Variants in FSTL4 observed in about 807,000 individuals in gnomAD.
FSTL4 encodes the protein follistatin like 4.
A neutral mutation model predicts 78.2 loss-of-function variants in FSTL4; 28 were observed. That is an observed-to-expected ratio of 0.36 (90% CI 0.27 to 0.49). FSTL4 has a LOEUF of 0.49. Among genes scored for constraint, FSTL4 ranks in the 20% least tolerant of loss-of-function variants. FSTL4 has a pLI of 0.98. For synonymous variants in FSTL4, 422 were observed against 440.5 expected (o/e 0.96, Z 0.53); for missense variants, 922 against 1,084.9 (o/e 0.85, Z 2.11).
At chr5:133,506,999 G>T (rs929750577) in intron 3 of FSTL4, among the ~76,000 whole-genome samples, 1 of 152,170 alleles carries the variant, frequency 6.6e-6, no homozygotes, top group Non-Finnish European at 1.5e-5. Flanking sequence ...CCTGAGGTCA[G>T]GAGTTCCAGA....
At chr5:133,343,829 C>T (rs1754640056) in intron 4 of FSTL4, among the ~76,000 whole-genome samples, 1 of 150,904 alleles carries the variant, frequency 6.6e-6, no homozygotes, top group African/African-American at 2.4e-5. Context: ...AGGCCAGAAT[C>T]TCAGTGGGTG....
chr5:133,425,899 G>A (rs917288615), intron 3 of FSTL4, among the ~76,000 whole-genome samples: 2 of 152,206 alleles, frequency 1.3e-5, no homozygotes. Flanking sequence ...TCCAAAGGGA[G>A]AACAGGGACA....
chr5:133,621,447 T>A, the FSTL4 span, among the ~76,000 whole-genome samples: 1 of 152,084 alleles, frequency 6.6e-6, no homozygotes, highest in Non-Finnish European at 1.5e-5. Context: ...AAAGAGCATT[T>A]GCAGTGACCT....
At chr5:133,332,677 A>G (rs942025338) in intron 4 of FSTL4, among the ~76,000 whole-genome samples, 49 of 152,238 alleles carry the variant, frequency 3.2e-4, no homozygotes, top group African/African-American at 1.2e-3. Flanking sequence ...TAAAATATTC[A>G]TAAAGAACTT....
the FSTL4 span, among the ~76,000 whole-genome samples, chr5:133,684,969 T>G: frequency 2.0e-5 from 3 of 152,314 alleles, no homozygotes; most frequent in Admixed American, 2.0e-4. Context: ...GCAGACATGC[T>G]TCACTTTAGT....
rs61271454 is a variant in FSTL4 at position 133,275,239 on chromosome 5, C to T, written c.728-25663G>A. 3.5e-3 allele frequency among the ~76,000 whole-genome samples: 519 copies of T among 150,162 alleles called. 5 individuals are homozygous for T. The highest frequency in any genetic ancestry group is 0.012 in the African/African-American group (493 of 40,730). Reference sequence around the variant, plus strand: ...AGATTGCACCACTGTACTCCAGCCTCGGTGACGGAGGGAAACTCTGTTATG... The same window carrying T: ...AGATTGCACCACTGTACTCCAGCCTTGGTGACGGAGGGAAACTCTGTTATG... On this transcript the variant is annotated intron_variant, in intron 6 of 15. Transcript: ENST00000265342.
chr5:133,394,425 G>C (rs1276928260), intron 4 of FSTL4, among the ~76,000 whole-genome samples: 1 of 152,228 alleles, frequency 6.6e-6, no homozygotes, highest in Non-Finnish European at 1.5e-5. Context: ...GTGGGCATGG[G>C]CTTGGTGGGC....
At chr5:133,617,220 A>G (rs1407354101), upstream of FSTL4, among the ~76,000 whole-genome samples, 3 of 145,994 alleles carry the variant, frequency 2.1e-5, no homozygotes, top group Admixed American at 1.4e-4. Context: ...AATCACTTGA[A>G]CCCGGGAGGC....
chr5:133,520,896 G>C, intron 3 of FSTL4, among the ~76,000 whole-genome samples: 1 of 152,096 alleles, frequency 6.6e-6, no homozygotes, highest in East Asian at 1.9e-4. Context: ...GGAAGAAGGT[G>C]GTTCTGGCAG....
At chr5:133,629,339 A>C in the FSTL4 span, among the ~76,000 whole-genome samples, 1 of 152,198 alleles carries the variant, frequency 6.6e-6, no homozygotes, top group African/African-American at 2.4e-5. Flanking sequence ...ACAGAAATAC[A>C]AACTACCATC....
chr5:133,799,211 G>A, the FSTL4 span, among the ~76,000 whole-genome samples: 1 of 137,304 alleles, frequency 7.3e-6, no homozygotes, highest in South Asian at 2.4e-4. Context: ...CTAACACTGG[G>A]ATCTTCCCAG....
intron 4 of FSTL4, among the ~76,000 whole-genome samples, chr5:133,399,031 G>A (rs1269097907): frequency 2.0e-5 from 3 of 152,166 alleles, no homozygotes; most frequent in East Asian, 1.9e-4. Flanking sequence ...TCCTCACCTC[G>A]GTGGGTTTTG....
the FSTL4 span, among the ~76,000 whole-genome samples, chr5:133,754,530 C>T: frequency 2.0e-5 from 3 of 152,260 alleles, no homozygotes; most frequent in Non-Finnish European, 4.4e-5. Context: ...TTACACAAAA[C>T]AGAATTAAAT....
chr5:133,575,248 C>G (rs1290740358), intron 2 of FSTL4: 1 of 152,202 alleles, frequency 6.6e-6, no homozygotes, highest in African/African-American at 2.4e-5. Context: ...CTCTGAGGTC[C>G]TACCACTATA....
chr5:133,540,928 T>A (rs2112918757), intron 3 of FSTL4, among the ~76,000 whole-genome samples: 1 of 152,084 alleles, frequency 6.6e-6, no homozygotes, highest in East Asian at 1.9e-4. Context: ...CTTGGAACAT[T>A]TTCCTCCCTT....
chr5:133,370,137 C>T (rs1417328723), intron 4 of FSTL4, among the ~76,000 whole-genome samples: 1 of 152,202 alleles, frequency 6.6e-6, no homozygotes, highest in Non-Finnish European at 1.5e-5. Flanking sequence ...GCCCCACAAC[C>T]TTCATCTTCA....
At chr5:133,466,432 C>T (rs13171437) in intron 3 of FSTL4, among the ~76,000 whole-genome samples, 43,075 of 151,842 alleles carry the variant, frequency 0.28, 6,662 homozygotes, top group East Asian at 0.47. Context: ...GTCCCAGCTA[C>T]TCGGGAGGCT....
rs965042357 is a variant in FSTL4 at position 133,440,527 on chromosome 5, G to T, written c.161-39541C>A. On this transcript the variant is annotated intron_variant, in intron 3 of 15. Coordinates refer to ENST00000265342, the MANE Select transcript of FSTL4 (RefSeq NM_015082.2). This position sits in a 1 kb window ranked among gnomAD's most constrained non-coding sequence, Gnocchi z 4.1. The stretch of plus-strand genomic sequence containing the variant: ...TGAGACTTTAAATTCAACTTCCTGG[G>T]AGAAGCAGTCGGTACTGGACTTAGC... Among the ~76,000 whole-genome samples, 1 of 152,192 alleles carries T rather than the reference G, an allele frequency of 6.6e-6. No homozygotes were observed. The highest frequency in any genetic ancestry group is 1.5e-5 in the Non-Finnish European group (1 of 68,030).
the FSTL4 span, among the ~76,000 whole-genome samples, chr5:133,676,487 G>C: frequency 2.6e-5 from 4 of 152,142 alleles, no homozygotes; most frequent in Non-Finnish European, 5.9e-5. Context: ...AAAATCCTTT[G>C]AAATGTAGCT....
Sources: gnomAD v4.1 joint callset for allele counts (sites outside exome capture counted in the v4.1 genomes callset) on GRCh38, gnomAD v4.1.1 for gene constraint, Gnocchi (gnomAD v3.1) non-coding constraint, MANE v1.5 for transcripts, NCBI Gene and HGNC (gene_info 2026-07-23, HGNC 2026-07-21) for gene names.